Variants in TENM4 observed in about 807,000 individuals in gnomAD.
TENM4 encodes teneurin transmembrane protein 4, also known as teneurin-4.
Under a neutral mutation model 243.3 loss-of-function variants are expected in TENM4, and 82 were observed. That is an observed-to-expected ratio of 0.34 (90% confidence interval 0.28 to 0.40). The LOEUF (loss-of-function observed/expected upper bound fraction) is 0.40, where lower values mean the gene tolerates loss of function less well. Among genes scored for constraint, TENM4 ranks in the 10% least tolerant of loss-of-function variants. The probability of loss-of-function intolerance (pLI) is 1.00; values close to 1 mark genes in which losing one functional copy is unlikely to be tolerated. For synonymous variants in TENM4, 1,412 were observed against 1,456.3 expected, an observed-to-expected ratio of 0.97 and a Z score of 0.69; for missense variants, 3,138 against 3,673.3, an observed-to-expected ratio of 0.85 and a Z score of 3.77.
chr11:79,435,766 C>T (rs1776694054), intron 1 of TENM4, among the ~76,000 whole-genome samples: 1 of 152,128 alleles, frequency 6.6e-6, no homozygotes, highest in African/African-American at 2.4e-5. Context: ...AGAGTGTGAG[C>T]TGGCATCTTA....
intron 19 of TENM4, 127 bp downstream of exon 19, chr11:78,756,678 C>T (rs758787530): frequency 7.6e-5 from 66 of 869,210 alleles, no homozygotes; most frequent in Non-Finnish European, 1.0e-4. Context: ...CCCCGACATT[C>T]CATCAGGAAC....
intron 27 of TENM4, among the ~76,000 whole-genome samples, chr11:78,706,065 C>A (rs968577413): frequency 6.6e-6 from 1 of 152,138 alleles, no homozygotes; most frequent in Non-Finnish European, 1.5e-5. Context: ...TTTATAAATG[C>A]ATTTGCATTC....
At chr11:79,433,092 A>T (rs1859202422) in intron 1 of TENM4, among the ~76,000 whole-genome samples, 1 of 152,224 alleles carries the variant, frequency 6.6e-6, no homozygotes, top group Non-Finnish European at 1.5e-5. Context: ...GAATGGGCAC[A>T]TCCCTTTATA....
At chr11:78,765,237 T>C (rs1361777626) in intron 18 of TENM4, among the ~76,000 whole-genome samples, 4 of 152,238 alleles carry the variant, frequency 2.6e-5, no homozygotes, top group Non-Finnish European at 5.9e-5. Flanking sequence ...TTTGCTATAA[T>C]AAATTCTGTG....
chr11:79,157,538 G>A (rs1348915725), intron 3 of TENM4, among the ~76,000 whole-genome samples: 2 of 152,118 alleles, frequency 1.3e-5, no homozygotes, highest in Admixed American at 1.3e-4. Context: ...CTTGCCATCT[G>A]TAACTCAGTA....
At chr11:79,164,182 G>A (rs1862843972) in intron 3 of TENM4, among the ~76,000 whole-genome samples, 1 of 121,402 alleles carries the variant, frequency 8.2e-6, no homozygotes, top group African/African-American at 3.3e-5. Context: ...GCATACTATA[G>A]TGTATATATA....
At chr11:79,283,205 CACACACAA>C (rs976432355) in intron 2 of TENM4, among the ~76,000 whole-genome samples, 39 of 116,424 alleles carry the variant, frequency 3.3e-4, no homozygotes, top group Middle Eastern at 4.2e-3. Flanking sequence ...AGACATCACA[CACACACAA>C]ACACACACAC....
intron 3 of TENM4, among the ~76,000 whole-genome samples, chr11:79,150,271 C>G (rs1862478129): frequency 6.6e-6 from 1 of 152,190 alleles, no homozygotes; most frequent in Non-Finnish European, 1.5e-5. Context: ...TAAATCCTGA[C>G]AAAATCCTCC....
intron 9 of TENM4, among the ~76,000 whole-genome samples, chr11:78,867,915 A>G (rs2136234715): frequency 6.6e-6 from 1 of 152,192 alleles, no homozygotes; most frequent in African/African-American, 2.4e-5. Context: ...TTTTAAATAG[A>G]AGATAAAGCC....
In TENM4 at chr11:78,980,775, G is replaced by A. The variant is rs368536133; in HGVS notation, c.494-77252C>T. On this transcript the variant is annotated intron_variant, in intron 6 of 33. Transcript: ENST00000278550. ...ACCTACCTCACAGGGTTGTACAGGGGCTTAAAGAGTTCTATGAGAGCTCTA... is the reference window on the plus strand; with the variant it reads ...ACCTACCTCACAGGGTTGTACAGGGACTTAAAGAGTTCTATGAGAGCTCTA... Among the ~76,000 whole-genome samples the A allele has an allele frequency of 1.9e-4, 29 of 152,252 alleles. No homozygotes were observed. In the South Asian group the frequency reaches 5.2e-3, roughly 27 times the overall value.
At chr11:78,724,840 C>T (rs193203671) in intron 23 of TENM4, among the ~76,000 whole-genome samples, 1 of 152,360 alleles carries the variant, frequency 6.6e-6, no homozygotes, top group East Asian at 1.9e-4. Flanking sequence ...TCCTTGACCT[C>T]CTTCCTGATG....
intron 7 of TENM4, among the ~76,000 whole-genome samples, chr11:78,901,432 T>C: frequency 6.6e-6 from 1 of 152,096 alleles, no homozygotes; most frequent in African/African-American, 2.4e-5. Flanking sequence ...GAAAGGCAGG[T>C]GAGCACAGAA....
chr11:78,882,560 T>A (rs971978552), intron 9 of TENM4, among the ~76,000 whole-genome samples: 1 of 152,104 alleles, frequency 6.6e-6, no homozygotes, highest in African/African-American at 2.4e-5. Context: ...AGAAGGGAAG[T>A]CTAATATGTC....
At chr11:78,704,815 C>T (rs2135779354) in intron 27 of TENM4, among the ~76,000 whole-genome samples, 1 of 152,288 alleles carries the variant, frequency 6.6e-6, no homozygotes, top group Admixed American at 6.5e-5. Flanking sequence ...AAAAGAAACC[C>T]CAATACATTA....
intron 6 of TENM4, among the ~76,000 whole-genome samples, chr11:78,975,226 G>A (rs1857626724): frequency 6.6e-6 from 1 of 151,970 alleles, no homozygotes; most frequent in Non-Finnish European, 1.5e-5. Context: ...AGCTCCATGT[G>A]TCAGCTGCAG....
At chr11:78,985,632 A>T (rs752307565) in intron 6 of TENM4, among the ~76,000 whole-genome samples, 1 of 152,078 alleles carries the variant, frequency 6.6e-6, no homozygotes, top group Non-Finnish European at 1.5e-5. Context: ...TTATCTATTT[A>T]TTGATTGGTA....
At chr11:79,039,287 A>G (rs10899581) in intron 6 of TENM4, among the ~76,000 whole-genome samples, 91,748 of 151,792 alleles carry the variant, frequency 0.6, 30,945 homozygotes, top group Non-Finnish European at 0.79. Context: ...TACAGCCTCA[A>G]AGGGTTTTTG....
chr11:79,013,772 T>C (rs1437598604), intron 6 of TENM4, among the ~76,000 whole-genome samples: 3 of 152,190 alleles, frequency 2.0e-5, no homozygotes, highest in Non-Finnish European at 4.4e-5. Flanking sequence ...CAGGAAGTCC[T>C]AGAGGAAGTA....
intron 10 of TENM4, 111 bp downstream of exon 10, chr11:78,862,851 C>T: frequency 8.6e-7 from 1 of 1,157,980 alleles, no homozygotes; most frequent in African/African-American, 1.6e-5. Context: ...GGAGGGAGCG[C>T]CAGAGCATGG....
Sources: allele counts gnomAD v4.1 joint callset (sites outside exome capture counted in the v4.1 genomes callset), GRCh38; gene constraint gnomAD v4.1.1; transcripts MANE v1.5; gene names NCBI Gene and HGNC (gene_info 2026-07-23, HGNC 2026-07-21).